HEPH: variants seen among roughly 807,000 people sequenced by gnomAD.
HEPH encodes the protein hephaestin.
HEPH carries 69 observed loss-of-function variants against 80.8 expected under a neutral mutation model. The ratio of observed to expected loss-of-function variants is 0.85; its 90% CI spans 0.70 to 1.04. The LOEUF is 1.04. Among genes scored for constraint, HEPH ranks in the 50% least tolerant of loss-of-function variants. HEPH has a pLI of 0.00. For synonymous variants in HEPH, 431 were observed against 322.8 expected (o/e 1.34, Z -3.60); for missense variants, 1,115 against 891.3 (o/e 1.25, Z -3.20).
chrX:66,196,568 A>G (rs190211437), intron 9 of HEPH, among the ~76,000 whole-genome samples: 72 of 111,767 alleles, frequency 6.4e-4, no homozygotes, highest in Non-Finnish European at 1.2e-3. Context: ...GGGAATTGCT[A>G]TATCAGAGGC....
At chrX:66,229,163 G>A (rs2090016519) in intron 15 of HEPH, among the ~76,000 whole-genome samples, 1 of 112,085 alleles carries the variant, frequency 8.9e-6, no homozygotes, top group African/African-American at 3.2e-5. Context: ...AAAATAAAAT[G>A]TGAGATAGAT....
chrX:66,178,536 G>C (rs181462175), intron 4 of HEPH, among the ~76,000 whole-genome samples: 9 of 112,411 alleles, frequency 8.0e-5, no homozygotes, highest in Non-Finnish European at 3.8e-5. Context: ...TTCCACAATG[G>C]ATGAACTAGT....
At chrX:66,226,554 T>A (rs1414876469) in intron 15 of HEPH, among the ~76,000 whole-genome samples, 3 of 111,687 alleles carry the variant, frequency 2.7e-5, no homozygotes, top group Non-Finnish European at 5.6e-5. Context: ...TTAGGGAGAT[T>A]AACCAAGAAA....
At chrX:66,237,029 C>G (rs955892271) in intron 15 of HEPH, among the ~76,000 whole-genome samples, 3 of 111,055 alleles carry the variant, frequency 2.7e-5, no homozygotes, top group African/African-American at 9.8e-5. Context: ...ATTAATCTAA[C>G]TAGAAGTCTA....
intron 20 of HEPH, among the ~76,000 whole-genome samples, chrX:66,264,554 G>C (rs1358585167): frequency 3.7e-5 from 4 of 108,844 alleles, no homozygotes; most frequent in Admixed American, 1.0e-4. Flanking sequence ...CACCTCATTT[G>C]TCTCTGGACT....
At chrX:66,264,128 A>T (rs767676973) in intron 20 of HEPH, among the ~76,000 whole-genome samples, 8 of 109,770 alleles carry the variant, frequency 7.3e-5, no homozygotes, top group Non-Finnish European at 1.3e-4. Flanking sequence ...GTGAGGAATA[A>T]AAAACTACCT....
intron 11 of HEPH, 115 bp from the exon 12 acceptor site, chrX:66,200,425 C>T (rs2088371490): frequency 5.6e-6 from 3 of 540,237 alleles, no homozygotes; most frequent in Non-Finnish European, 9.1e-6. Context: ...TTGAGGATGA[C>T]TCAGCAGTTT....
intron 4 of HEPH, among the ~76,000 whole-genome samples, chrX:66,179,538 G>C (rs1438499702): frequency 8.9e-6 from 1 of 111,736 alleles, no homozygotes; most frequent in African/African-American, 3.2e-5. Flanking sequence ...ACCTTGGGCA[G>C]TATTGGATGA....
intron 13 of HEPH, among the ~76,000 whole-genome samples, chrX:66,206,932 G>A (rs182276495): frequency 4.3e-4 from 47 of 109,998 alleles, no homozygotes; most frequent in African/African-American, 1.4e-3. Flanking sequence ...CAGGATAATC[G>A]CTTGAACTCG....
At position 66,256,223 on chromosome X, in the gene HEPH, A is replaced by T; in HGVS notation, c.2789A>T (p.Glu930Val). 1 of 1,210,950 alleles carries T rather than the reference A, an allele frequency of 8.3e-7. No individual in the cohort carries two copies. Among genetic ancestry groups the T allele is most frequent in the East Asian group, 3.0e-5 (1 of 33,791 alleles). The change falls in exon 17 of 21, where the codon GAA becomes GTA. Residue 930 changes from glutamate to valine, a missense_variant. By Grantham distance (121) the Glu-to-Val change is moderately radical. Transcript: ENST00000343002. ...EFALLFLIFD[E>V]NKSWYLEENV... ...GCATTGTTGTTCTTGATTTTTGATG[A>T]AAATAAGTCTTGGTATTTGGAGGAA...
At chrX:66,226,971 G>A (rs756534087) in intron 15 of HEPH, among the ~76,000 whole-genome samples, 87 of 110,906 alleles carry the variant, frequency 7.8e-4, no homozygotes, top group Non-Finnish European at 1.4e-3. Context: ...ACCAGGAAAG[G>A]ACACAACAAA....
intron 15 of HEPH, among the ~76,000 whole-genome samples, chrX:66,247,615 A>G (rs1376515108): frequency 9.0e-6 from 1 of 111,253 alleles, no homozygotes; most frequent in Non-Finnish European, 1.9e-5. Flanking sequence ...AGCATACTTA[A>G]GCAGCTGTTA....
chrX:66,181,906 C>T lies in HEPH; in HGVS notation c.626-6453C>T, dbSNP rs1405110781. Among the ~76,000 whole-genome samples the T allele has an allele frequency of 2.2e-4, 24 of 108,654 alleles. No homozygotes were observed. The East Asian group carries it at 7.1e-3, about 32-fold the overall frequency. The allele number at this position is 108,654 out of a possible 115,157, so 94.4% of individuals were successfully genotyped here. On this transcript the variant is annotated intron_variant, in intron 4 of 20. Coordinates refer to ENST00000343002, the MANE Select transcript of HEPH (RefSeq NM_001367233.3). ...GTGTAAGGAAGGGATCCAGTTTCAG[C>T]TTTCTACATATGGCTAGCCAGTTTT...
intron 15 of HEPH, among the ~76,000 whole-genome samples, chrX:66,249,129 C>A (rs1169431051): frequency 9.0e-6 from 1 of 110,942 alleles, no homozygotes; most frequent in Non-Finnish European, 1.9e-5. Context: ...AGAAACACTT[C>A]CCCCTCTGAG....
intron 13 of HEPH, among the ~76,000 whole-genome samples, 183 bp from the exon 14 acceptor site, chrX:66,207,012 C>T (rs950573957): frequency 2.8e-5 from 3 of 106,531 alleles, no homozygotes; most frequent in Non-Finnish European, 3.9e-5. Context: ...AGCGAAACTC[C>T]GTCTAAAATA....
At chrX:66,216,800 A>G (rs1424932328) in intron 15 of HEPH, among the ~76,000 whole-genome samples, 1 of 111,988 alleles carries the variant, frequency 8.9e-6, no homozygotes, top group Non-Finnish European at 1.9e-5. Flanking sequence ...GGTGAATAAC[A>G]ACTTAAAGAA....
intron 15 of HEPH, among the ~76,000 whole-genome samples, chrX:66,251,988 T>C (rs2091020771): frequency 8.9e-6 from 1 of 111,933 alleles, no homozygotes; most frequent in Non-Finnish European, 1.9e-5. Context: ...GAAGCATATG[T>C]TATGAGAGGA....
chrX:66,173,490 C>T, intron 3 of HEPH, 99 bp from the exon 4 acceptor site: 1 of 548,365 alleles, frequency 1.8e-6, no homozygotes, highest in Non-Finnish European at 3.0e-6. Flanking sequence ...TTTTATAAGA[C>T]TGGACCTAGG....
At chrX:66,208,585 C>T (rs1344860634) in intron 15 of HEPH, among the ~76,000 whole-genome samples, 1 of 96,634 alleles carries the variant, frequency 1.0e-5, no homozygotes, top group East Asian at 3.3e-4. Context: ...TGCCACTGCA[C>T]TCCAGCCTGG....
Sources: allele counts gnomAD v4.1 joint callset (sites outside exome capture counted in the v4.1 genomes callset), GRCh38; gene constraint gnomAD v4.1.1; transcripts MANE v1.5; gene names NCBI Gene and HGNC (gene_info 2026-07-23, HGNC 2026-07-21).